Variants in TTC6 observed in about 807,000 individuals in gnomAD.
TTC6 encodes the protein tetratricopeptide repeat protein 6.
TTC6 carries 172 observed loss-of-function variants against 210.4 expected under a neutral mutation model. The ratio of observed to expected loss-of-function variants is 0.82; its 90% CI spans 0.72 to 0.93. The LOEUF (loss-of-function observed/expected upper bound fraction) is 0.93, where lower values mean the gene tolerates loss of function less well. Ranked by LOEUF, TTC6 falls within the 40% of genes least tolerant of loss-of-function variation. The pLI is 0.00. For synonymous variants in TTC6, 804 were observed against 819.6 expected (o/e 0.98, Z 0.32); for missense variants, 2,414 against 2,318.1 (o/e 1.04, Z -0.85).
intron 1 of TTC6, among the ~76,000 whole-genome samples, chr14:37,668,002 GTA>G (rs2095751459): frequency 6.7e-6 from 1 of 150,092 alleles, no homozygotes; most frequent in Non-Finnish European, 1.5e-5. Flanking sequence ...GGGCATGATG[GTA>G]CACACCTGTA....
intron 24 of TTC6, among the ~76,000 whole-genome samples, chr14:37,811,660 A>G (rs2096129852): frequency 6.6e-6 from 1 of 152,226 alleles, no homozygotes; most frequent in Admixed American, 6.5e-5. Flanking sequence ...GAATGTAAAA[A>G]AAACCAAAAA....
chr14:37,640,535 A>AG (rs2095689908), intron 1 of TTC6, among the ~76,000 whole-genome samples: 1 of 151,838 alleles, frequency 6.6e-6, no homozygotes, highest in Admixed American at 6.6e-5. Flanking sequence ...TGTAATGTAG[A>AG]GGTTTTTTTT....
intron 3 of TTC6, among the ~76,000 whole-genome samples, chr14:37,685,131 A>T (rs1030923969): frequency 6.6e-6 from 1 of 152,226 alleles, no homozygotes; most frequent in African/African-American, 2.4e-5. Flanking sequence ...CACAAAGCCA[A>T]TAATAGGATG....
chr14:37,752,039 A>G (rs1250115000), intron 13 of TTC6, among the ~76,000 whole-genome samples: 1 of 151,842 alleles, frequency 6.6e-6, no homozygotes, highest in Non-Finnish European at 1.5e-5. Flanking sequence ...GTTCGCCAGG[A>G]TGGTCTCGAT....
intron 14 of TTC6, among the ~76,000 whole-genome samples, chr14:37,780,716 G>T (rs2096052205): frequency 6.6e-6 from 1 of 152,066 alleles, no homozygotes; most frequent in Non-Finnish European, 1.5e-5. Context: ...TGCCATGGTG[G>T]TTTGCTGCAC....
At chr14:37,778,442 G>A (rs1489894532) in intron 14 of TTC6, among the ~76,000 whole-genome samples, 1 of 152,100 alleles carries the variant, frequency 6.6e-6, no homozygotes, top group African/African-American at 2.4e-5. Flanking sequence ...CACCAACAAT[G>A]GTGGCCCAGC....
chr14:37,656,722 A>G lies in TTC6; in HGVS notation c.940-23429A>G, dbSNP rs2095724195. Among the ~76,000 whole-genome samples the G allele has an allele frequency of 2.0e-5, 3 of 152,074 alleles. No individual in the cohort carries two copies. In the South Asian group the frequency reaches 6.2e-4, roughly 32 times the overall value. On this transcript the variant is annotated intron_variant, in intron 1 of 30. Coordinates refer to ENST00000553443, the Ensembl canonical transcript of TTC6. ...AAGGGTTTAGTTAAATTAGATTTAG[A>G]AGGTGAGAGAAAGGAGAGACATCAA... is the stretch of plus-strand genomic sequence containing the variant.
intron 3 of TTC6, among the ~76,000 whole-genome samples, chr14:37,692,950 G>A (rs1021940955): frequency 1.3e-5 from 2 of 151,978 alleles, no homozygotes; most frequent in African/African-American, 4.8e-5. Context: ...CATACTGAAT[G>A]GGGAAAACTG....
intron 1 of TTC6, among the ~76,000 whole-genome samples, chr14:37,653,583 G>A (rs1001790724): frequency 2.6e-5 from 4 of 151,984 alleles, no homozygotes; most frequent in East Asian, 1.9e-4. Flanking sequence ...TGCTATGGTC[G>A]GGGAGAGATG....
chr14:37,737,612 A>G (rs1355977600), intron 8 of TTC6, 48 bp from the exon 11 acceptor site: 7 of 1,091,236 alleles, frequency 6.4e-6, no homozygotes, highest in African/African-American at 3.2e-5. Context: ...TTAGCTTATC[A>G]GATAGTATCT....
At chr14:37,668,852 G>A (rs1405380356) in intron 1 of TTC6, among the ~76,000 whole-genome samples, 1 of 152,140 alleles carries the variant, frequency 6.6e-6, no homozygotes, top group Non-Finnish European at 1.5e-5. Context: ...TTCATTCCAG[G>A]TCATTGAGTC....
upstream of TTC6, among the ~76,000 whole-genome samples, chr14:37,620,785 A>AT (rs2095649914): frequency 6.6e-6 from 1 of 152,168 alleles, no homozygotes; most frequent in Admixed American, 6.5e-5. Context: ...CAAAGTCCCT[A>AT]TTTTTTGAAG....
chr14:37,700,187 C>T (rs928075604), intron 4 of TTC6, among the ~76,000 whole-genome samples: 2 of 152,130 alleles, frequency 1.3e-5, no homozygotes, highest in Admixed American at 6.5e-5. Context: ...GGATGGAGTA[C>T]TTCTGGAGAA....
chr14:37,604,266 C>T (rs183888459), intron 1 of TTC6, among the ~76,000 whole-genome samples: 2 of 152,274 alleles, frequency 1.3e-5, no homozygotes, highest in African/African-American at 2.4e-5. Flanking sequence ...GAGCTACTCT[C>T]CACCCAGTCA....
At chr14:37,733,192 C>T (rs866991131) in intron 7 of TTC6, among the ~76,000 whole-genome samples, 13 of 152,184 alleles carry the variant, frequency 8.5e-5, no homozygotes, top group South Asian at 4.1e-4. Context: ...ATTCCATTTA[C>T]CCCTTCTTGA....
chr14:37,809,843 G>A (rs900619932), intron 24 of TTC6, among the ~76,000 whole-genome samples: 3 of 152,208 alleles, frequency 2.0e-5, no homozygotes, highest in East Asian at 3.9e-4. Context: ...TCCTCACTGG[G>A]GAGCAGCTAG....
chr14:37,736,259 G>A (rs1460778424), intron 8 of TTC6, among the ~76,000 whole-genome samples: 2 of 151,998 alleles, frequency 1.3e-5, no homozygotes, highest in East Asian at 1.9e-4. Context: ...GTGGTGGCAC[G>A]TGCCTGTATC....
At chr14:37,744,058 G>A (rs2095928786) in intron 10 of TTC6, among the ~76,000 whole-genome samples, 3 of 152,148 alleles carry the variant, frequency 2.0e-5, no homozygotes, top group Non-Finnish European at 4.4e-5. Context: ...TTTCAATGAA[G>A]GCAAAGTTTA....
intron 14 of TTC6, among the ~76,000 whole-genome samples, chr14:37,755,727 C>A (rs555435290): frequency 6.6e-6 from 1 of 152,202 alleles, no homozygotes. Context: ...TGTTTTGATA[C>A]CAGAACCATG....
Sources: allele counts gnomAD v4.1 joint callset (sites outside exome capture counted in the v4.1 genomes callset), GRCh38; gene constraint gnomAD v4.1.1; transcripts MANE v1.5; gene names NCBI Gene and HGNC (gene_info 2026-07-23, HGNC 2026-07-21).